SMPD4: variants seen among roughly 807,000 people sequenced by gnomAD.
The protein encoded by SMPD4 is neutral sphingomyelinase 3.
SMPD4 carries 58 observed loss-of-function variants against 97.8 expected under a neutral mutation model. The ratio of observed to expected loss-of-function variants is 0.59; its 90% CI spans 0.48 to 0.74. SMPD4 has a LOEUF of 0.74. Ranked by LOEUF, SMPD4 falls within the 30% of genes least tolerant of loss-of-function variation. The pLI, the probability that SMPD4 is intolerant of heterozygous loss-of-function variation, is 0.00. For missense variants in SMPD4, 853 were observed against 1,080.5 expected, an observed-to-expected ratio of 0.79 and a Z score of 2.95; for synonymous variants, 388 against 450.0, an observed-to-expected ratio of 0.86 and a Z score of 1.74.
At chr2:130,176,016 CTT>C (rs917818051) in intron 2 of SMPD4, among the ~76,000 whole-genome samples, 4 of 151,620 alleles carry the variant, frequency 2.6e-5, no homozygotes, top group African/African-American at 9.7e-5. Flanking sequence ...CTTTTTGAGT[CTT>C]TACTATGTTG....
At chr2:130,177,789 G>C (rs996012531) in intron 1 of SMPD4, among the ~76,000 whole-genome samples, 1 of 152,000 alleles carries the variant, frequency 6.6e-6, no homozygotes, top group African/African-American at 2.4e-5. Flanking sequence ...CCTCGGTAAT[G>C]CTTGTACAGC....
chr2:130,181,701 GC>G (rs1689661055), upstream of SMPD4: 3 of 1,548,594 alleles, frequency 1.9e-6, no homozygotes, highest in East Asian at 7.3e-5. Flanking sequence ...GCGAAGGCCG[GC>G]CGGGCGGGGA....
At chr2:130,155,348 C>T (rs1558741341) in intron 14 of SMPD4, 89 bp from the exon 15 acceptor site, 2 of 1,523,712 alleles carry the variant, frequency 1.3e-6, no homozygotes, top group African/African-American at 2.7e-5. Context: ...CCCTTGCTCA[C>T]CCTTGGGCTT....
chr2:130,173,706 C>T (rs1444395983), intron 3 of SMPD4, 50 bp from the exon 4 acceptor site: 5 of 1,610,258 alleles, frequency 3.1e-6, no homozygotes, highest in Non-Finnish European at 4.2e-6. Flanking sequence ...CCCACTCCTG[C>T]CCCGGCTCTA....
intron 10 of SMPD4, 53 bp from the exon 11 acceptor site, chr2:130,161,325 A>C (rs1687387631): frequency 6.6e-7 from 1 of 1,517,574 alleles, no homozygotes; most frequent in African/African-American, 1.4e-5. Flanking sequence ...AGAGGACAAG[A>C]GAATGGGGTG....
At chr2:130,173,746 C>G (rs1688705211) in intron 3 of SMPD4, 90 bp from the exon 4 acceptor site, 1 of 1,548,080 alleles carries the variant, frequency 6.5e-7, no homozygotes, top group African/African-American at 1.4e-5. Context: ...CCAGCTCCCT[C>G]TGAGGAAGCC....
rs1688589773 is a variant in SMPD4, at chr2:130,172,680, G to C, written c.455-3C>G. ...GAATATGTAATACTCGAACGGATCT[G>C]AGAGCAGCGTCAGGGGCAAACATGC... On this transcript the variant is annotated splice_region_variant and splice_polypyrimidine_tract_variant and intron_variant, in intron 6 of 19. Transcript: ENST00000680298. 1 of 1,614,120 alleles carries C rather than the reference G, an allele frequency of 6.2e-7. No individual in the cohort carries two copies. The highest frequency in any genetic ancestry group is 1.1e-5 in the South Asian group (1 of 91,088).
intron 18 of SMPD4, 61 bp from the exon 19 acceptor site, chr2:130,153,232 G>C: frequency 6.2e-7 from 1 of 1,612,936 alleles, no homozygotes. Context: ...ACTCAGAGGA[G>C]CCTGATGGCC....
At chr2:130,178,159 A>ATGCACAGCTGAGCT (rs70991394) in intron 1 of SMPD4, among the ~76,000 whole-genome samples, 56,398 of 151,904 alleles carry the variant, frequency 0.37, 10,685 homozygotes, top group East Asian at 0.46. Flanking sequence ...TAATCTTGTA[A>ATGCACAGCTGAGCT]TGCCTGGACT....
At chr2:130,162,559 G>A (rs1236274057) in intron 10 of SMPD4, among the ~76,000 whole-genome samples, 4 of 152,186 alleles carry the variant, frequency 2.6e-5, no homozygotes, top group Admixed American at 1.3e-4. Context: ...GGCCTACAGC[G>A]CCATGGCCAT....
At chr2:130,181,703 C>T (rs77887649), upstream of SMPD4, 261 of 1,548,442 alleles carry the variant, frequency 1.7e-4, no homozygotes, top group East Asian at 6.2e-3. Flanking sequence ...GAAGGCCGGC[C>T]GGGCGGGGAA....
Position 130,152,498 on chromosome 2 carries a change from C to T in SMPD4, c.*57G>A. 1 of 1,478,010 alleles carries T rather than the reference C, an allele frequency of 6.8e-7. No individual in the cohort carries two copies. 91.6% of individuals were successfully genotyped at this position (1,478,010 alleles called of 1,614,324 possible). A position where few individuals can be genotyped will look rare whatever the true frequency, so the allele number is the denominator to read the frequency against. On this transcript the variant is annotated 3_prime_UTR_variant, in exon 20 of 20. Coordinates refer to ENST00000680298, the MANE Select transcript of SMPD4 (RefSeq NM_017951.5). The stretch of plus-strand genomic sequence containing the variant: ...AGGGGCTTCCCAGGTCCTCTCAGCC[C>T]AAGGGTGGGGCTGTGTGGCAAATCC...
intron 3 of SMPD4, 95 bp downstream of exon 3, chr2:130,174,819 G>A (rs888229217): frequency 4.0e-5 from 34 of 860,478 alleles, no homozygotes; most frequent in Non-Finnish European, 5.2e-5. Flanking sequence ...GGCAGTGCTC[G>A]GGGTTGGGGC....
intron 11 of SMPD4, among the ~76,000 whole-genome samples, chr2:130,159,963 C>G (rs1687230326): frequency 6.6e-6 from 1 of 152,208 alleles, no homozygotes; most frequent in Admixed American, 6.5e-5. Flanking sequence ...CACATGGAAC[C>G]CTCTCAGGCT....
intron 10 of SMPD4, among the ~76,000 whole-genome samples, chr2:130,162,170 C>T (rs1687490004): frequency 6.6e-6 from 1 of 152,260 alleles, no homozygotes. Flanking sequence ...CCCTGAGGAT[C>T]TGGCCACAGC....
Position 130,181,129 on chromosome 2 carries a change from C to T in SMPD4, c.-46+401G>A, listed in dbSNP as rs56079062. On this transcript the variant is annotated intron_variant, in intron 1 of 19. Transcript: ENST00000680298. ...CCTGCCAATTGGGCTTCGGGAGCCTCCAAAACCAAGGCTCGGAGATGTGGA... is the reference window on the plus strand; with the variant it reads ...CCTGCCAATTGGGCTTCGGGAGCCTTCAAAACCAAGGCTCGGAGATGTGGA... Among the ~76,000 whole-genome samples the T allele has an allele frequency of 5.4e-3, 822 of 152,318 alleles. 7 individuals carry two copies. Among genetic ancestry groups the T allele is most frequent in the Non-Finnish European group, 8.5e-3 (578 of 68,030 alleles).
At chr2:130,177,605 G>A (rs570703403) in intron 1 of SMPD4, among the ~76,000 whole-genome samples, 46 of 151,704 alleles carry the variant, frequency 3.0e-4, no homozygotes, top group South Asian at 6.3e-4. Flanking sequence ...GCTGAGACCC[G>A]AGAATCACTT....
At chr2:130,177,553 C>T (rs1444884084) in intron 1 of SMPD4, among the ~76,000 whole-genome samples, 6 of 152,078 alleles carry the variant, frequency 3.9e-5, no homozygotes, top group East Asian at 2.0e-4. Context: ...AAAAATTAGC[C>T]GGGCATGATG....
Position 130,174,915 on chromosome 2 carries a change from T to C in SMPD4, c.125A>G (p.Lys42Arg), listed in dbSNP as rs747570490. Residue 42 changes from lysine (K) to arginine (R), a missense_variant and splice_region_variant, in exon 3 of 20, where the codon AAG (lysine) becomes AGG (arginine). Lys to Arg is a conservative substitution (Grantham distance 26). Transcript: ENST00000680298. Reference sequence around the variant, plus strand: ...AGAGAGACGTTAGCAGAGCTATACCTTTGCTGGAAAGTCCTCAATGACTTT... The same window carrying C: ...AGAGAGACGTTAGCAGAGCTATACCCTTGCTGGAAAGTCCTCAATGACTTT... ...LVKVIEDFPA[K>R]ELHTIFPWLV... 6.2e-7 allele frequency: 1 copy of C among 1,600,116 alleles called. No homozygotes were observed. The highest frequency in any genetic ancestry group is 1.7e-5 in the Admixed American group (1 of 59,896).
Sources: gnomAD v4.1 joint callset for allele counts (sites outside exome capture counted in the v4.1 genomes callset) on GRCh38, gnomAD v4.1.1 for gene constraint, MANE v1.5 for transcripts, NCBI Gene and HGNC (gene_info 2026-07-23, HGNC 2026-07-21) for gene names.